Variants in MFSD2A observed in about 807,000 individuals in gnomAD.
MFSD2A encodes the protein sodium-dependent lysophosphatidylcholine symporter 1.
A neutral mutation model predicts 64.7 loss-of-function variants in MFSD2A; 27 were observed. The ratio of observed to expected loss-of-function variants is 0.42; its 90% CI spans 0.31 to 0.58. The LOEUF is 0.58. Ranked by LOEUF, MFSD2A falls within the 20% of genes least tolerant of loss-of-function variation. The pLI is 0.18. For synonymous variants in MFSD2A, 258 were observed against 273.4 expected (o/e 0.94, Z 0.55); for missense variants, 474 against 679.5 (o/e 0.70, Z 3.36).
Position 39,967,573 on chromosome 1 carries a change from G to A in MFSD2A, c.1012-55G>A, listed in dbSNP as rs1645191107. 47 of 1,531,264 alleles carry A rather than the reference G, an allele frequency of 3.1e-5. 1 individual carries two copies. The South Asian group carries it at 5.3e-4, about 17-fold the overall frequency. The allele number at this position is 1,531,264 out of a possible 1,614,324, so 94.9% of individuals were successfully genotyped here. A position where few individuals can be genotyped will look rare whatever the true frequency, so the allele number is the denominator to read the frequency against. On this transcript the variant is annotated intron_variant, in intron 9 of 13. Coordinates refer to ENST00000372811, the MANE Select transcript of MFSD2A (RefSeq NM_032793.5). ...CACTTTGGGGTTCTGGGAAGGGCAG[G>A]AGGGGCTCTGTGGCTCTAAAGCACC...
At position 39,968,241 on chromosome 1, in the gene MFSD2A, T is replaced by C; in HGVS notation, c.1209-93T>C. 6.7e-7 allele frequency: 1 copy of C among 1,482,856 alleles called. No homozygotes were observed. 91.9% of individuals were successfully genotyped at this position (1,482,856 alleles called of 1,614,324 possible). On this transcript the variant is annotated intron_variant, in intron 11 of 13. Transcript: ENST00000372811. This position sits in a 1 kb window ranked among gnomAD's most constrained non-coding sequence, Gnocchi z 4.4. ...ATATCCTCACTGAGCTGTGTACCCA[T>C]GGTACTGCAAGCTTCCAGAGGGCCA... is the stretch of plus-strand genomic sequence containing the variant.
At position 39,955,541 on chromosome 1, in the gene MFSD2A, AG is replaced by A. The variant is rs1277332764; in HGVS notation, c.93+161del. On this transcript the variant is annotated intron_variant, in intron 1 of 13. Coordinates refer to ENST00000372811, the MANE Select transcript of MFSD2A (RefSeq NM_032793.5). This position sits in a 1 kb window ranked among gnomAD's most constrained non-coding sequence, Gnocchi z 5.9. The stretch of plus-strand genomic sequence containing the variant: ...AGAGGACCTGGGGGTGCCCTGGGAC[AG>A]GGGGTGACGGAGAAAAGCTGTGGGC... The A allele has an allele frequency of 1.2e-5, 10 of 824,664 alleles. No homozygotes were observed. The highest frequency in any genetic ancestry group is 8.1e-5 in the Admixed American group (4 of 49,194). The allele number at this position is 824,664 out of a possible 1,614,324, so 51.1% of individuals were successfully genotyped here.
Position 39,969,490 on chromosome 1 carries a change from C to T in MFSD2A, c.1530-15C>T, listed in dbSNP as rs201667909. 1.3e-4 allele frequency: 214 copies of T among 1,593,958 alleles called. No individual in the cohort carries two copies. Among genetic ancestry groups the T allele is most frequent in the Middle Eastern group, 1.7e-4 (1 of 5,990 alleles). On this transcript the variant is annotated splice_polypyrimidine_tract_variant and intron_variant, in intron 13 of 13. Coordinates refer to ENST00000372811, the MANE Select transcript of MFSD2A (RefSeq NM_032793.5). Reference sequence around the variant, plus strand: ...ATGGATGCTTCCTCCAACCCATCTCCTCTCTCTCTTGCAGGGACGAGGCCA... The same window carrying T: ...ATGGATGCTTCCTCCAACCCATCTCTTCTCTCTCTTGCAGGGACGAGGCCA...
At position 39,969,720 on chromosome 1, in the gene MFSD2A, GGGCC is replaced by G. The variant is rs1305536338; in HGVS notation, c.*156_*159del. 5 of 736,240 alleles carry G rather than the reference GGGCC, an allele frequency of 6.8e-6. No homozygotes were observed. Among genetic ancestry groups the G allele is most frequent in the Non-Finnish European group, 8.8e-6 (4 of 454,100 alleles). The allele number at this position is 736,240 out of a possible 1,614,324, so 45.6% of individuals were successfully genotyped here. On this transcript the variant is annotated 3_prime_UTR_variant, in exon 14 of 14. Transcript: ENST00000372811. ...CAGGACACTTGCTGTGCTCACTGTG[GGGCC>G]GGCTGCTCTGTGGCCTCCTGCCTCC...
Position 39,958,658 on chromosome 1 carries a change from G to A in MFSD2A, c.229-43G>A. On this transcript the variant is annotated intron_variant, in intron 2 of 13. Coordinates refer to ENST00000372811, the MANE Select transcript of MFSD2A (RefSeq NM_032793.5). This position sits in a 1 kb window ranked among gnomAD's most constrained non-coding sequence, Gnocchi z 4.7. The stretch of plus-strand genomic sequence containing the variant: ...TGCCTACCAGTGAGAGTTGAGGCGA[G>A]TAGAAGGATGAGGAAGTTGTCTTTT... 1.2e-6 allele frequency: 2 copies of A among 1,614,154 alleles called. No individual in the cohort carries two copies. Among genetic ancestry groups the A allele is most frequent in the South Asian group, 1.1e-5 (1 of 91,086 alleles).
chr1:39,968,840 C>G lies in MFSD2A; in HGVS notation c.1529+95C>G, dbSNP rs1645221864. 1.5e-6 allele frequency: 2 copies of G among 1,347,398 alleles called. No individual in the cohort carries two copies. The highest frequency in any genetic ancestry group is 2.9e-5 in the African/African-American group (2 of 69,468). The allele number at this position is 1,347,398 out of a possible 1,614,324, so 83.5% of individuals were successfully genotyped here. A position where few individuals can be genotyped will look rare whatever the true frequency, so the allele number is the denominator to read the frequency against. On this transcript the variant is annotated intron_variant, in intron 13 of 13. Coordinates refer to ENST00000372811, the MANE Select transcript of MFSD2A (RefSeq NM_032793.5). The surrounding 1 kb of genome is among the most constrained non-coding windows in gnomAD (Gnocchi z 4.4). ...CTGTGGCCAAGTCCAGACTCACCCC[C>G]CACACATCTTCTCTGGACAGCTGTA...
In MFSD2A at chr1:39,958,459, G is replaced by A. The variant is rs1644972248; in HGVS notation, c.229-242G>A. On this transcript the variant is annotated intron_variant, in intron 2 of 13. Coordinates refer to ENST00000372811, the MANE Select transcript of MFSD2A (RefSeq NM_032793.5). The surrounding 1 kb of genome is among the most constrained non-coding windows in gnomAD (Gnocchi z 4.7). ...GGAATGTTTTCAAGGGCAGTGGAGGGAAGCAATTAAGGAGACAGAGCTGGG... is the reference window on the plus strand; with the variant it reads ...GGAATGTTTTCAAGGGCAGTGGAGGAAAGCAATTAAGGAGACAGAGCTGGG... Among the ~76,000 whole-genome samples the A allele has an allele frequency of 1.3e-5, 2 of 152,182 alleles. No individual in the cohort carries two copies. Among genetic ancestry groups the A allele is most frequent in the African/African-American group, 4.8e-5 (2 of 41,446 alleles).
chr1:39,955,319 C>T lies in MFSD2A; in HGVS notation c.27C>T (p.Ser9=). Residue 9 remains serine, a synonymous_variant, in exon 1 of 14, where the codon AGC becomes AGT. Coordinates refer to ENST00000372811, the MANE Select transcript of MFSD2A (RefSeq NM_032793.5). This position sits in a 1 kb window ranked among gnomAD's most constrained non-coding sequence, Gnocchi z 5.9. MAKGEGAE[S]GSAAGLLPTS... ...TGGCCAAAGGAGAAGGCGCCGAGAGCGGCTCCGCGGCGGGGCTGCTACCCA... is the reference window on the plus strand; with the variant it reads ...TGGCCAAAGGAGAAGGCGCCGAGAGTGGCTCCGCGGCGGGGCTGCTACCCA... 1.4e-6 allele frequency: 2 copies of T among 1,444,130 alleles called. No individual in the cohort carries two copies. The highest frequency in any genetic ancestry group is 1.8e-6 in the Non-Finnish European group (2 of 1,096,444). 89.5% of individuals were successfully genotyped at this position (1,444,130 alleles called of 1,614,324 possible).
intron 3 of MFSD2A, among the ~76,000 whole-genome samples, chr1:39,959,444 C>T (rs1007890398): frequency 1.3e-5 from 2 of 151,720 alleles, no homozygotes; most frequent in African/African-American, 4.8e-5. Context: ...GTAGAGACAG[C>T]GTCTCACTAT....
In MFSD2A at chr1:39,963,667, C is replaced by T. The variant is rs527384633; in HGVS notation, c.354-1544C>T. Among the ~76,000 whole-genome samples, 49 of 152,234 alleles carry T rather than the reference C, an allele frequency of 3.2e-4. No individual in the cohort carries two copies. The South Asian group carries it at 3.7e-3, about 12-fold the overall frequency. Reference sequence around the variant, plus strand: ...TGGTACAGTAGGGATACAAACCTGTCGGTTCTCTAATATTTCTTTTTTGGG... The same window carrying T: ...TGGTACAGTAGGGATACAAACCTGTTGGTTCTCTAATATTTCTTTTTTGGG... On this transcript the variant is annotated intron_variant, in intron 3 of 13. Coordinates refer to ENST00000372811, the MANE Select transcript of MFSD2A (RefSeq NM_032793.5). The surrounding 1 kb of genome is among the most constrained non-coding windows in gnomAD (Gnocchi z 4.2).
At chr1:39,966,542 G>T in intron 6 of MFSD2A, 59 bp from the exon 7 acceptor site, 1 of 1,395,744 alleles carries the variant, frequency 7.2e-7, no homozygotes. Flanking sequence ...TGCTGGAACT[G>T]GGGTGCTGGG....
Position 39,960,448 on chromosome 1 carries a change from CG to C in MFSD2A, c.353+1628del, listed in dbSNP as rs1557631647. Among the ~76,000 whole-genome samples, 1 of 152,208 alleles carries C rather than the reference CG, an allele frequency of 6.6e-6. No homozygotes were observed. The highest frequency in any genetic ancestry group is 2.4e-5 in the African/African-American group (1 of 41,454). On this transcript the variant is annotated intron_variant, in intron 3 of 13. Transcript: ENST00000372811. The surrounding 1 kb of genome is among the most constrained non-coding windows in gnomAD (Gnocchi z 4.8). ...GAGCCTTTGATCCAGTCTTCAGGGC[CG>C]GGGGCAGGACAGCCTGCCTTACCTG...
chr1:39,968,103 T>A lies in MFSD2A; in HGVS notation c.1208+187T>A. 1 of 645,614 alleles carries A rather than the reference T, an allele frequency of 1.5e-6. No individual in the cohort carries two copies. Among genetic ancestry groups the A allele is most frequent in the South Asian group, 2.0e-5 (1 of 50,262 alleles). 40.0% of individuals were successfully genotyped at this position (645,614 alleles called of 1,614,324 possible). On this transcript the variant is annotated intron_variant, in intron 11 of 13. Transcript: ENST00000372811. The surrounding 1 kb of genome is among the most constrained non-coding windows in gnomAD (Gnocchi z 4.4). The stretch of plus-strand genomic sequence containing the variant: ...GCTTTGCAAGAACACCTAGTCAGAG[T>A]GAAAAATGGGGGCTGTAATCTGGCC...
chr1:39,955,525 G>C lies in MFSD2A; in HGVS notation c.93+140G>C. 2 of 944,616 alleles carry C rather than the reference G, an allele frequency of 2.1e-6. No individual in the cohort carries two copies. Among genetic ancestry groups the C allele is most frequent in the Non-Finnish European group, 3.3e-6 (2 of 608,760 alleles). 58.5% of individuals were successfully genotyped at this position (944,616 alleles called of 1,614,324 possible). On this transcript the variant is annotated intron_variant, in intron 1 of 13. Transcript: ENST00000372811. This position sits in a 1 kb window ranked among gnomAD's most constrained non-coding sequence, Gnocchi z 5.9. ...GAAGCCTACGAGCCAGAGAGGACCT[G>C]GGGGTGCCCTGGGACAGGGGGTGAC...
In MFSD2A at chr1:39,968,641, C is replaced by G. The variant is rs1645215619; in HGVS notation, c.1425C>G (p.Thr475=). ...AGTTTACACTGAACATGCTCGTGAC[C>G]ATGGCTCCCATAGTTCTCATCCTGC... ...RVKFTLNMLV[T]MAPIVLILLG... Residue 475 remains threonine, a synonymous_variant, in exon 13 of 14, where the codon ACC becomes ACG. Transcript: ENST00000372811. The surrounding 1 kb of genome is among the most constrained non-coding windows in gnomAD (Gnocchi z 4.4). The G allele has an allele frequency of 6.2e-7, 1 of 1,614,078 alleles. No homozygotes were observed. Among genetic ancestry groups the G allele is most frequent in the Non-Finnish European group, 8.5e-7 (1 of 1,180,048 alleles).
intron 13 of MFSD2A, among the ~76,000 whole-genome samples, 160 bp from the exon 14 acceptor site, chr1:39,969,345 G>A (rs1318482354): frequency 6.6e-6 from 1 of 152,094 alleles, no homozygotes; most frequent in African/African-American, 2.4e-5. Flanking sequence ...ACAGTAAACA[G>A]ACCAACCAAC....
At position 39,964,041 on chromosome 1, in the gene MFSD2A, A is replaced by G. The variant is rs574817041; in HGVS notation, c.354-1170A>G. Among the ~76,000 whole-genome samples the G allele has an allele frequency of 5.3e-5, 8 of 152,340 alleles. No individual in the cohort carries two copies. In the South Asian group the frequency reaches 1.7e-3, roughly 32 times the overall value. On this transcript the variant is annotated intron_variant, in intron 3 of 13. Transcript: ENST00000372811. The surrounding 1 kb of genome is among the most constrained non-coding windows in gnomAD (Gnocchi z 4.1). Reference sequence around the variant, plus strand: ...ATGAGCCACTGCGCCTAGCCTAAGTACATTCACTTTGTCGCCACCATCACC... The same window carrying G: ...ATGAGCCACTGCGCCTAGCCTAAGTGCATTCACTTTGTCGCCACCATCACC...
In MFSD2A at chr1:39,958,892, TTC is replaced by T. The variant is rs1230098418; in HGVS notation, c.353+73_353+74del. 6.7e-7 allele frequency: 1 copy of T among 1,497,966 alleles called. No homozygotes were observed. Among genetic ancestry groups the T allele is most frequent in the African/African-American group, 1.4e-5 (1 of 71,440 alleles). The allele number at this position is 1,497,966 out of a possible 1,614,324, so 92.8% of individuals were successfully genotyped here. ...TTCCAGCATATCTGCTCCTTGGTCC[TTC>T]TCTCTGTCTTGTCACAGGCAGAAGG... On this transcript the variant is annotated intron_variant, in intron 3 of 13. Transcript: ENST00000372811. This position sits in a 1 kb window ranked among gnomAD's most constrained non-coding sequence, Gnocchi z 4.7.
intron 3 of MFSD2A, among the ~76,000 whole-genome samples, chr1:39,959,610 G>A (rs1321335621): frequency 6.6e-6 from 1 of 152,048 alleles, no homozygotes; most frequent in African/African-American, 2.4e-5. Context: ...TCACATCTCT[G>A]AGTCTCAAGT....
Sources: allele counts gnomAD v4.1 joint callset (sites outside exome capture counted in the v4.1 genomes callset), GRCh38; gene constraint gnomAD v4.1.1; non-coding constraint Gnocchi (gnomAD v3.1); transcripts MANE v1.5; gene names NCBI Gene and HGNC (gene_info 2026-07-23, HGNC 2026-07-21).